Variants in SUPT3H observed in about 807,000 individuals in gnomAD.
SUPT3H encodes transcription initiation protein SPT3 homolog.
SUPT3H carries 44 observed loss-of-function variants against 44.3 expected under a neutral mutation model. The observed-to-expected ratio is 0.99, with a 90% CI of 0.78 to 1.28. The LOEUF (loss-of-function observed/expected upper bound fraction) is 1.28, where lower values mean the gene tolerates loss of function less well. Among genes scored for constraint, SUPT3H ranks in the 50% most tolerant of loss-of-function variants. The pLI, the probability that SUPT3H is intolerant of heterozygous loss-of-function variation, is 0.00. For synonymous variants in SUPT3H, 124 were observed against 125.6 expected, an observed-to-expected ratio of 0.99 and a Z score of 0.09; for missense variants, 380 against 387.1, an observed-to-expected ratio of 0.98 and a Z score of 0.15.
chr6:44,888,294 C>T (rs556915413), intron 10 of SUPT3H, among the ~76,000 whole-genome samples: 10 of 152,130 alleles, frequency 6.6e-5, no homozygotes, highest in East Asian at 3.9e-4. Context: ...ATACCAAAGC[C>T]GGGCAGAGAC....
At chr6:44,967,033 C>T (rs1365163268) in intron 6 of SUPT3H, among the ~76,000 whole-genome samples, 1 of 152,156 alleles carries the variant, frequency 6.6e-6, no homozygotes, top group Non-Finnish European at 1.5e-5. Context: ...GTGTCATCAA[C>T]AGCATTCTTG....
chr6:44,976,369 T>C (rs1302204686), intron 6 of SUPT3H, among the ~76,000 whole-genome samples: 1 of 152,108 alleles, frequency 6.6e-6, no homozygotes, highest in Non-Finnish European at 1.5e-5. Flanking sequence ...AATGTCTTTT[T>C]TTTTTTTCTT....
At chr6:45,218,866 C>T (rs183956038) in intron 2 of SUPT3H, among the ~76,000 whole-genome samples, 2 of 152,290 alleles carry the variant, frequency 1.3e-5, no homozygotes, top group East Asian at 1.9e-4. Flanking sequence ...AGATAGACCA[C>T]GTCCTGAGCC....
At chr6:45,252,492 T>A (rs1772547304) in intron 2 of SUPT3H, among the ~76,000 whole-genome samples, 1 of 152,198 alleles carries the variant, frequency 6.6e-6, no homozygotes, top group African/African-American at 2.4e-5. Context: ...CATTGAATAA[T>A]TCACTCGTTT....
chr6:45,261,137 T>A (rs894512496), intron 2 of SUPT3H, among the ~76,000 whole-genome samples: 1 of 150,428 alleles, frequency 6.6e-6, no homozygotes. Flanking sequence ...CTACTAGACA[T>A]ACAAAGAAGA....
intron 2 of SUPT3H, chr6:45,328,301 T>A: frequency 7.3e-7 from 1 of 1,367,986 alleles, no homozygotes; most frequent in Non-Finnish European, 9.8e-7. Context: ...TTTTAAAGCT[T>A]TTGCTTTTTT....
At chr6:44,866,167 A>T (rs1300259264) in intron 10 of SUPT3H, among the ~76,000 whole-genome samples, 2 of 148,600 alleles carry the variant, frequency 1.3e-5, no homozygotes, top group Non-Finnish European at 3.0e-5. Context: ...ACAGGGGCAA[A>T]CTGGGGGCTT....
At chr6:45,309,458 A>AG (rs1373587792) in intron 2 of SUPT3H, among the ~76,000 whole-genome samples, 1 of 151,994 alleles carries the variant, frequency 6.6e-6, no homozygotes, top group African/African-American at 2.4e-5. Context: ...TAGTCAAAAG[A>AG]GAAAAAAAAA....
At chr6:44,898,069 AGGGACTAAGAATTTGCATT>A (rs530312024) in intron 10 of SUPT3H, among the ~76,000 whole-genome samples, 4 of 152,254 alleles carry the variant, frequency 2.6e-5, no homozygotes, top group African/African-American at 7.2e-5. Context: ...TTAAGAAATA[AGGGACTAAGAATTTGCATT>A]GGGACTAAGA....
At position 45,177,827 on chromosome 6, in the gene SUPT3H, T is replaced by G. The variant is rs550797149; in HGVS notation, c.102-71821A>C. Among the ~76,000 whole-genome samples the G allele has an allele frequency of 8.3e-4, 126 of 152,078 alleles. 1 individual carries two copies. Among genetic ancestry groups the G allele is most frequent in the African/African-American group, 2.1e-3 (89 of 41,470 alleles). ...TCATATCCAGCCAAAGTAAGCTTCA[T>G]AAGTGAAGGAGAAATAAAATCCTTT... On this transcript the variant is annotated intron_variant, in intron 2 of 10. Transcript: ENST00000371459.
At position 45,262,106 on chromosome 6, in the gene SUPT3H, T is replaced by C. The variant is rs139338992; in HGVS notation, c.101+103095A>G. Reference sequence around the variant, plus strand: ...AAACAAATGGAAATATAGTCCATGCTTGTGGATAGCAAGAATCAATATTGT... The same window carrying C: ...AAACAAATGGAAATATAGTCCATGCCTGTGGATAGCAAGAATCAATATTGT... On this transcript the variant is annotated intron_variant, in intron 2 of 10. Transcript: ENST00000371459. Among the ~76,000 whole-genome samples the C allele has an allele frequency of 2.2e-3, 334 of 152,258 alleles. 1 individual carries two copies. The East Asian group carries it at 0.028, about 13-fold the overall frequency.
intron 3 of SUPT3H, 63 bp downstream of exon 3, chr6:45,105,859 G>A: frequency 7.8e-7 from 1 of 1,284,504 alleles, no homozygotes; most frequent in South Asian, 1.3e-5. Context: ...TAAAGTGTTG[G>A]GTTACCATCC....
chr6:44,876,255 A>G (rs12957428), intron 10 of SUPT3H, among the ~76,000 whole-genome samples: 5 of 67,010 alleles, frequency 7.5e-5, no homozygotes, highest in East Asian at 4.2e-4. Flanking sequence ...AACCAACCCA[A>G]ATGTCCAACA....
rs1304264516 is a variant in SUPT3H, at chr6:44,987,187, C to CT, written c.504+16465dup. On this transcript the variant is annotated intron_variant, in intron 6 of 10. Coordinates refer to ENST00000371459, the MANE Select transcript of SUPT3H (RefSeq NM_003599.4). ...AAAACACTAATCCCATCATGAAACT[C>CT]TACTCTCATGACTTAGTCTAAACCT... 2.0e-5 allele frequency among the ~76,000 whole-genome samples: 3 copies of CT among 151,252 alleles called. No homozygotes were observed. In the Admixed American group the frequency reaches 2.0e-4, roughly 10 times the overall value.
intron 2 of SUPT3H, among the ~76,000 whole-genome samples, chr6:45,107,343 A>G (rs1272473212): frequency 6.6e-6 from 1 of 152,230 alleles, no homozygotes; most frequent in East Asian, 1.9e-4. Flanking sequence ...AATTCAAGGT[A>G]TAGAAAAGAA....
intron 10 of SUPT3H, among the ~76,000 whole-genome samples, chr6:44,908,922 T>C (rs1766556022): frequency 6.6e-6 from 1 of 152,208 alleles, no homozygotes; most frequent in Non-Finnish European, 1.5e-5. Context: ...CTCTAAATTA[T>C]AGCATAGGGA....
chr6:44,858,477 T>C (rs1019201494), intron 10 of SUPT3H, among the ~76,000 whole-genome samples: 5 of 152,192 alleles, frequency 3.3e-5, no homozygotes, highest in African/African-American at 1.2e-4. Context: ...TTGCTTTGTT[T>C]TGGTAGTGGC....
chr6:44,932,554 T>G (rs1025300695), intron 10 of SUPT3H, 99 bp downstream of exon 10: 1 of 779,930 alleles, frequency 1.3e-6, no homozygotes. Flanking sequence ...TCACCACAAA[T>G]TGCTTTCAAC....
intron 10 of SUPT3H, among the ~76,000 whole-genome samples, chr6:44,885,642 A>G (rs562363661): frequency 2.3e-4 from 35 of 152,254 alleles, no homozygotes; most frequent in Admixed American, 6.5e-4. Context: ...AGACCAAAAG[A>G]AGACAAAACC....
Sources: allele counts gnomAD v4.1 joint callset (sites outside exome capture counted in the v4.1 genomes callset), GRCh38; gene constraint gnomAD v4.1.1; transcripts MANE v1.5; gene names NCBI Gene and HGNC (gene_info 2026-07-23, HGNC 2026-07-21).